The following FAM135B variants were observed in gnomAD, a reference collection of about 807,000 sequenced individuals.
FAM135B encodes the protein protein FAM135B.
FAM135B carries 43 observed loss-of-function variants against 127.7 expected under a neutral mutation model. The ratio of observed to expected loss-of-function variants is 0.34; its 90% CI spans 0.26 to 0.43. The LOEUF (loss-of-function observed/expected upper bound fraction) is 0.43. Among genes scored for constraint, FAM135B ranks in the 20% least tolerant of loss-of-function variants. The probability of loss-of-function intolerance (pLI) is 1.00; values close to 1 mark genes in which losing one functional copy is unlikely to be tolerated. For synonymous variants in FAM135B, 670 were observed against 665.1 expected, an observed-to-expected ratio of 1.01 and a Z score of -0.11; for missense variants, 1,558 against 1,725.6, an observed-to-expected ratio of 0.90 and a Z score of 1.72.
intron 13 of FAM135B, among the ~76,000 whole-genome samples, chr8:138,150,454 G>C (rs1818028778): frequency 6.6e-6 from 1 of 152,150 alleles, no homozygotes; most frequent in Non-Finnish European, 1.5e-5. Context: ...TAGATCACGA[G>C]GTCAAGAGAT....
intron 7 of FAM135B, among the ~76,000 whole-genome samples, chr8:138,234,654 A>G (rs1820136076): frequency 6.6e-6 from 1 of 152,208 alleles, no homozygotes; most frequent in Admixed American, 6.5e-5. Flanking sequence ...ATATTATTTA[A>G]AAATGTCAAA....
chr8:138,157,291 A>G (rs79851766), intron 12 of FAM135B, among the ~76,000 whole-genome samples: 105,700 of 151,922 alleles, frequency 0.7, 36,831 homozygotes, highest in East Asian at 0.79. Context: ...TTGATGGGAC[A>G]TATCTCAAAA....
At chr8:138,458,305 CA>C (rs1205735429) in intron 1 of FAM135B, among the ~76,000 whole-genome samples, 2 of 152,108 alleles carry the variant, frequency 1.3e-5, no homozygotes, top group African/African-American at 4.8e-5. Context: ...GGTGATCTGT[CA>C]TGTCAGGAAT....
intron 1 of FAM135B, among the ~76,000 whole-genome samples, chr8:138,451,338 T>C (rs1188119052): frequency 1.3e-5 from 2 of 152,208 alleles, no homozygotes; most frequent in Non-Finnish European, 2.9e-5. Context: ...ATATGCCGTA[T>C]TGTTATTAGG....
intron 2 of FAM135B, among the ~76,000 whole-genome samples, chr8:138,360,277 A>T (rs1461947176): frequency 6.6e-6 from 1 of 152,228 alleles, no homozygotes. Flanking sequence ...GCTCTTGTAA[A>T]TAGATACAAA....
At chr8:138,367,436 TCA>T (rs1157946087) in intron 2 of FAM135B, 2 of 456,712 alleles carry the variant, frequency 4.4e-6, no homozygotes, top group African/African-American at 4.0e-5. Context: ...GCATTATACT[TCA>T]GTTATATGAA....
intron 3 of FAM135B, among the ~76,000 whole-genome samples, chr8:138,305,356 A>C (rs1276539968): frequency 6.6e-6 from 1 of 152,228 alleles, no homozygotes; most frequent in African/African-American, 2.4e-5. Flanking sequence ...CCCGCTCCCA[A>C]GCATGATTCA....
intron 7 of FAM135B, among the ~76,000 whole-genome samples, chr8:138,229,859 C>T (rs1249594025): frequency 3.9e-5 from 6 of 151,958 alleles, no homozygotes; most frequent in Non-Finnish European, 4.4e-5. Context: ...CATCAGCTCT[C>T]GTGAGCACTC....
At chr8:138,195,633 T>TACACACACAC (rs34987954) in intron 8 of FAM135B, among the ~76,000 whole-genome samples, 1 of 149,668 alleles carries the variant, frequency 6.7e-6, no homozygotes, top group Non-Finnish European at 1.5e-5. Context: ...TTTTTGCAGG[T>TACACACACAC]ACACACACAC....
chr8:138,217,589 C>A (rs888150971), intron 7 of FAM135B, among the ~76,000 whole-genome samples: 1 of 152,022 alleles, frequency 6.6e-6, no homozygotes, highest in Non-Finnish European at 1.5e-5. Context: ...CACCGCCACA[C>A]CCAGCTAATT....
chr8:138,403,629 A>G (rs1481310325), intron 1 of FAM135B, among the ~76,000 whole-genome samples: 1 of 152,200 alleles, frequency 6.6e-6, no homozygotes, highest in African/African-American at 2.4e-5. Context: ...AGGCATCCCA[A>G]TACCAATGGA....
intron 13 of FAM135B, among the ~76,000 whole-genome samples, chr8:138,150,381 C>T (rs370716425): frequency 6.6e-6 from 1 of 152,106 alleles, no homozygotes; most frequent in Non-Finnish European, 1.5e-5. Flanking sequence ...AAAAATTGAA[C>T]AAAATTGGCG....
At chr8:138,143,759 C>G (rs1440319645) in intron 15 of FAM135B, among the ~76,000 whole-genome samples, 1 of 152,122 alleles carries the variant, frequency 6.6e-6, no homozygotes, top group African/African-American at 2.4e-5. Context: ...AGATTTGGGG[C>G]CAATATCCAA....
chr8:138,160,644 C>T (rs11166792), intron 12 of FAM135B, among the ~76,000 whole-genome samples: 102,802 of 150,770 alleles, frequency 0.68, 35,098 homozygotes, highest in East Asian at 0.76. Flanking sequence ...GCAATCCACC[C>T]GCCTCGGCCT....
intron 1 of FAM135B, among the ~76,000 whole-genome samples, chr8:138,409,657 T>C (rs1321277806): frequency 1.3e-5 from 2 of 151,920 alleles, no homozygotes; most frequent in African/African-American, 4.8e-5. Context: ...GGGTGGATCA[T>C]GAGGTCAGAA....
chr8:138,448,258 A>T (rs890110441), intron 1 of FAM135B, among the ~76,000 whole-genome samples: 1 of 151,712 alleles, frequency 6.6e-6, no homozygotes, highest in Non-Finnish European at 1.5e-5. Context: ...TGGGGAGGGG[A>T]CTTTTGGATG....
At chr8:138,231,700 G>T (rs1819920867) in intron 7 of FAM135B, among the ~76,000 whole-genome samples, 1 of 152,156 alleles carries the variant, frequency 6.6e-6, no homozygotes, top group Admixed American at 6.5e-5. Flanking sequence ...GGAGCTGTCT[G>T]ATCCTGGCCA....
At chr8:138,168,601 G>T (rs1820155299) in intron 11 of FAM135B, among the ~76,000 whole-genome samples, 1 of 152,018 alleles carries the variant, frequency 6.6e-6, no homozygotes, top group African/African-American at 2.4e-5. Context: ...CCTGTAAGAT[G>T]AAGAAAAAAT....
intron 2 of FAM135B, among the ~76,000 whole-genome samples, chr8:138,360,438 A>T (rs1459178971): frequency 2.0e-5 from 3 of 152,248 alleles, no homozygotes; most frequent in Non-Finnish European, 4.4e-5. Context: ...ACCAAGCTGG[A>T]AAGCTAACAC....
Sources: allele counts gnomAD v4.1 joint callset (sites outside exome capture counted in the v4.1 genomes callset), GRCh38; gene constraint gnomAD v4.1.1; transcripts MANE v1.5; gene names NCBI Gene and HGNC (gene_info 2026-07-23, HGNC 2026-07-21).